The following TPPP variants were observed in gnomAD, a reference collection of about 807,000 sequenced individuals.
TPPP encodes tubulin polymerization-promoting protein.
TPPP carries 6 observed loss-of-function variants against 15.5 expected under a neutral mutation model. The ratio of observed to expected loss-of-function variants is 0.39; its 90% CI spans 0.21 to 0.77. The LOEUF is 0.77. TPPP is among the 30% of genes least tolerant of loss of function. The pLI, the probability that TPPP is intolerant of heterozygous loss-of-function variation, is 0.42. For missense variants in TPPP, 269 were observed against 307.2 expected (o/e 0.88, Z 0.93); for synonymous variants, 146 against 133.9 (o/e 1.09, Z -0.63).
At chr5:692,516 C>A in intron 1 of TPPP, 1 of 931,884 alleles carries the variant, frequency 1.1e-6, no homozygotes, top group Non-Finnish European at 1.3e-6. Flanking sequence ...AAACCCTTAT[C>A]AAAACAGCAG....
intron 2 of TPPP, among the ~76,000 whole-genome samples, chr5:666,502 C>G (rs1739921540): frequency 6.6e-6 from 1 of 152,198 alleles, no homozygotes; most frequent in Non-Finnish European, 1.5e-5. Context: ...CCGGCTCTGC[C>G]TGTGTGTGTT....
At chr5:682,401 T>C (rs1740650694) in intron 1 of TPPP, among the ~76,000 whole-genome samples, 1 of 150,478 alleles carries the variant, frequency 6.6e-6, no homozygotes, top group Non-Finnish European at 1.5e-5. Context: ...AGCCTGTTAC[T>C]AGGACCTGGG....
the TPPP span, among the ~76,000 whole-genome samples, chr5:699,131 A>T: frequency 5.1e-4 from 77 of 152,126 alleles, 1 homozygote; most frequent in African/African-American, 1.7e-3. Flanking sequence ...CAAATTAGAA[A>T]AAAAATCCTA....
chr5:677,653 C>T, intron 2 of TPPP, 97 bp downstream of exon 2: 7 of 1,196,490 alleles, frequency 5.9e-6, no homozygotes, highest in Non-Finnish European at 8.0e-6. Context: ...ACCCCCTCCA[C>T]TCCCCATGGC....
chr5:696,846 G>A (rs1180785903), upstream of TPPP, among the ~76,000 whole-genome samples: 9 of 97,156 alleles, frequency 9.3e-5, no homozygotes, highest in East Asian at 1.9e-3. Context: ...GTGTTCAGCT[G>A]TGTATGTTCA....
At chr5:679,297 G>A (rs1375275008) in intron 1 of TPPP, among the ~76,000 whole-genome samples, 1 of 151,936 alleles carries the variant, frequency 6.6e-6, no homozygotes, top group East Asian at 1.9e-4. Context: ...AGGGCCTCAG[G>A]CCCCACCCAC....
In TPPP at chr5:665,137, C is replaced by G. The variant is rs1379933580; in HGVS notation, c.625G>C (p.Gly209Arg). Residue 209 changes from glycine to arginine, a missense_variant, in exon 4 of 4, where the codon GGC becomes CGC. Transcript: ENST00000360578. ...CCTTGCACCTTCTGGTCGTAGGTGC[C>G]TGCGTGCTTGTAGCCGGACACATAG... ...SGYVSGYKHA[G>R]TYDQKVQGGK 1.2e-6 allele frequency: 2 copies of G among 1,612,676 alleles called. No individual in the cohort carries two copies. Among genetic ancestry groups the G allele is most frequent in the African/African-American group, 2.7e-5 (2 of 74,938 alleles).
chr5:697,152 A>G (rs753733925), upstream of TPPP, among the ~76,000 whole-genome samples: 2 of 150,756 alleles, frequency 1.3e-5, no homozygotes, highest in East Asian at 3.9e-4. Flanking sequence ...ATGGAATTAA[A>G]GTGCAGGTTC....
chr5:670,275 C>T (rs1740167634), intron 2 of TPPP, among the ~76,000 whole-genome samples: 1 of 152,166 alleles, frequency 6.6e-6, no homozygotes, highest in African/African-American at 2.4e-5. Flanking sequence ...TCCCATGGTG[C>T]CCTCTCTGAG....
intron 1 of TPPP, among the ~76,000 whole-genome samples, chr5:687,140 G>A (rs1212170760): frequency 3.7e-5 from 5 of 136,310 alleles, no homozygotes; most frequent in African/African-American, 1.3e-4. Flanking sequence ...CCAGAAGCTA[G>A]AAGAGGCAGG....
intron 2 of TPPP, among the ~76,000 whole-genome samples, chr5:673,261 TC>T (rs1017866077): frequency 6.6e-5 from 10 of 152,162 alleles, no homozygotes; most frequent in African/African-American, 2.4e-4. Flanking sequence ...TCCTCTCTCT[TC>T]CTGAGACAAG....
intron 2 of TPPP, among the ~76,000 whole-genome samples, chr5:670,604 G>A (rs149923371): frequency 2.4e-4 from 36 of 152,218 alleles, no homozygotes; most frequent in Middle Eastern, 3.4e-3. Context: ...TGGTAGGGAC[G>A]CGGCCTTAGG....
At chr5:675,034 AG>A (rs1229240915) in intron 2 of TPPP, among the ~76,000 whole-genome samples, 1 of 23,582 alleles carries the variant, frequency 4.2e-5, no homozygotes, top group African/African-American at 1.8e-4. Context: ...GGGAGCAGTG[AG>A]GGGGGTACAG....
chr5:672,576 C>T (rs1218763031), intron 2 of TPPP, among the ~76,000 whole-genome samples: 2 of 152,236 alleles, frequency 1.3e-5, no homozygotes, highest in South Asian at 2.1e-4. Flanking sequence ...GGCAGACCCT[C>T]GCCCAGAGGC....
upstream of TPPP, chr5:693,472 C>G (rs1241011167): frequency 6.9e-6 from 1 of 143,906 alleles, no homozygotes; most frequent in Non-Finnish European, 1.5e-5. Flanking sequence ...GCCCCGCGCG[C>G]TCATTGGCAG....
At position 667,434 on chromosome 5, in the gene TPPP, C is replaced by T. The variant is rs147539968; in HGVS notation, c.312-1311G>A. Among the ~76,000 whole-genome samples, 370 of 152,244 alleles carry T rather than the reference C, an allele frequency of 2.4e-3. 3 individuals carry two copies. The highest frequency in any genetic ancestry group is 0.014 in the Middle Eastern group (4 of 294). Reference sequence around the variant, plus strand: ...TACAAAACTAACTCAAAATAGATGACGGTCCTAATTATGAAACTAAAACTT... The same window carrying T: ...TACAAAACTAACTCAAAATAGATGATGGTCCTAATTATGAAACTAAAACTT... On this transcript the variant is annotated intron_variant, in intron 2 of 3. Transcript: ENST00000360578.
chr5:678,146 C>T, intron 1 of TPPP, 82 bp from the exon 2 acceptor site: 1 of 1,385,232 alleles, frequency 7.2e-7, no homozygotes, highest in Non-Finnish European at 9.6e-7. Context: ...CCCCGCCGTA[C>T]CAATGAGCAC....
In TPPP at chr5:660,535, TC is replaced by T. The variant is rs1327921300; in HGVS notation, c.*4566del. On this transcript the variant is annotated 3_prime_UTR_variant, in exon 4 of 4. Transcript: ENST00000360578. ...ATAACATCACGGTCCAGCCTCATCT[TC>T]CCCCTGTGCCATCCCCTCGTGGTGT... is the stretch of plus-strand genomic sequence containing the variant. The T allele has an allele frequency of 6.6e-6, 1 of 152,340 alleles. No individual in the cohort carries two copies. Among genetic ancestry groups the T allele is most frequent in the Non-Finnish European group, 1.5e-5 (1 of 68,062 alleles). The allele number at this position is 152,340 out of a possible 1,614,324, so 9.4% of individuals were successfully genotyped here.
intron 2 of TPPP, among the ~76,000 whole-genome samples, chr5:668,704 G>A (rs1740061984): frequency 6.6e-6 from 1 of 152,272 alleles, no homozygotes; most frequent in Non-Finnish European, 1.5e-5. Context: ...CAAGAGAAAT[G>A]AAAACAGAGG....
Sources: allele counts gnomAD v4.1 joint callset (sites outside exome capture counted in the v4.1 genomes callset), GRCh38; gene constraint gnomAD v4.1.1; transcripts MANE v1.5; gene names NCBI Gene and HGNC (gene_info 2026-07-23, HGNC 2026-07-21).